TNFRSF1B: variants seen among roughly 807,000 people sequenced by gnomAD.
TNFRSF1B encodes the protein TNF receptor superfamily member 1B, also known as tumor necrosis factor receptor superfamily member 1B.
Under a neutral mutation model 44.6 loss-of-function variants are expected in TNFRSF1B, and 19 were observed. That is an observed-to-expected ratio of 0.43 (90% CI 0.30 to 0.62). The LOEUF (loss-of-function observed/expected upper bound fraction) is 0.62. Ranked by LOEUF, TNFRSF1B falls within the 20% of genes least tolerant of loss-of-function variation. The pLI is 0.16. For missense variants in TNFRSF1B, 541 were observed against 619.9 expected, an observed-to-expected ratio of 0.87 and a Z score of 1.35; for synonymous variants, 252 against 261.1, an observed-to-expected ratio of 0.97 and a Z score of 0.34.
At chr1:12,183,617 T>C (rs79388457) in intron 1 of TNFRSF1B, among the ~76,000 whole-genome samples, 13,656 of 119,558 alleles carry the variant, frequency 0.11, 760 homozygotes, top group African/African-American at 0.14. Flanking sequence ...ATCTATCTGT[T>C]TGTCTGTCTG....
chr1:12,192,404 T>C, intron 4 of TNFRSF1B, 27 bp from the exon 5 acceptor site: 3 of 1,612,254 alleles, frequency 1.9e-6, no homozygotes, highest in Non-Finnish European at 2.5e-6. Context: ...GTCTGAGTGG[T>C]TGACAAGTTC....
At chr1:12,176,695 A>T (rs1638663931) in intron 1 of TNFRSF1B, among the ~76,000 whole-genome samples, 1 of 152,208 alleles carries the variant, frequency 6.6e-6, no homozygotes. Context: ...AGAGAGTGAC[A>T]GGGCAAAGAT....
intron 9 of TNFRSF1B, among the ~76,000 whole-genome samples, chr1:12,204,515 C>T (rs923529475): frequency 3.3e-5 from 5 of 152,178 alleles, no homozygotes; most frequent in African/African-American, 7.2e-5. Flanking sequence ...CAGCAGGCCC[C>T]TGCAGCAACA....
chr1:12,176,151 G>A (rs1484668080), intron 1 of TNFRSF1B, among the ~76,000 whole-genome samples: 2 of 152,146 alleles, frequency 1.3e-5, no homozygotes, highest in African/African-American at 4.8e-5. Context: ...CCCCAGAGGC[G>A]GAGGTTGCCG....
At chr1:12,191,152 C>A in intron 3 of TNFRSF1B, 67 bp downstream of exon 3, 1 of 1,578,172 alleles carries the variant, frequency 6.3e-7, no homozygotes, top group Non-Finnish European at 8.6e-7. Flanking sequence ...GCAACTCCAG[C>A]CTCTTTGGCT....
At position 12,199,945 on chromosome 1, in the gene TNFRSF1B, G is replaced by A. The variant is rs188873041; in HGVS notation, c.901-2022G>A. ...AGAATTCCAAGGCAAGGGTGTGAGC[G>A]CCTGGCCAGCCAGTGGGAACAGACA... is the stretch of plus-strand genomic sequence containing the variant. On this transcript the variant is annotated intron_variant, in intron 8 of 9. Transcript: ENST00000376259. The surrounding 1 kb of genome is among the most constrained non-coding windows in gnomAD (Gnocchi z 4.0). 3.3e-4 allele frequency among the ~76,000 whole-genome samples: 50 copies of A among 152,292 alleles called. No homozygotes were observed. In the East Asian group the frequency reaches 3.9e-3, roughly 12 times the overall value.
rs372028572 is a variant in TNFRSF1B, at chr1:12,183,712, T to G, written c.79-5084T>G. 5.4e-3 allele frequency among the ~76,000 whole-genome samples: 311 copies of G among 57,160 alleles called. 8 individuals carry two copies. The highest frequency in any genetic ancestry group is 0.013 in the African/African-American group (275 of 20,794). 37.5% of individuals were successfully genotyped at this position (57,160 alleles called of 152,430 possible). A position where few individuals can be genotyped will look rare whatever the true frequency, so the allele number is the denominator to read the frequency against. ...TCTATCTATCTATCTATCTATCTAT[T>G]CTATCTACCTATCTATCTATCTATC... On this transcript the variant is annotated intron_variant, in intron 1 of 9. Transcript: ENST00000376259.
At chr1:12,201,413 A>T (rs1639388051) in intron 8 of TNFRSF1B, among the ~76,000 whole-genome samples, 1 of 151,824 alleles carries the variant, frequency 6.6e-6, no homozygotes, top group Non-Finnish European at 1.5e-5. Context: ...ACAAATATTC[A>T]GCCATCTAAT....
chr1:12,204,021 T>C (rs929313818), intron 9 of TNFRSF1B, among the ~76,000 whole-genome samples: 6 of 152,244 alleles, frequency 3.9e-5, no homozygotes, highest in Non-Finnish European at 2.9e-5. Context: ...TGAGCCAACA[T>C]GCGCAGCCCA....
At chr1:12,196,475 A>C (rs565167377) in intron 8 of TNFRSF1B, among the ~76,000 whole-genome samples, 162 of 152,302 alleles carry the variant, frequency 1.1e-3, no homozygotes, top group African/African-American at 3.8e-3. Flanking sequence ...CCTGGAGGGC[A>C]AAATCACCCC....
chr1:12,201,987 G>A lies in TNFRSF1B; in HGVS notation c.921G>A (p.Lys307=), dbSNP rs1639401663. 3 of 1,612,072 alleles carry A rather than the reference G, an allele frequency of 1.9e-6. No individual in the cohort carries two copies. The highest frequency in any genetic ancestry group is 2.5e-6 in the Non-Finnish European group (3 of 1,179,214). ...EAKVPHLPAD[K]ARGTQGPEQQ... ...TCCAGCCTCACTTGCCTGCCGATAAGGCCCGGGGTACACAGGGCCCCGAGC... is the reference window on the plus strand; with the variant it reads ...TCCAGCCTCACTTGCCTGCCGATAAAGCCCGGGGTACACAGGGCCCCGAGC... Residue 307 remains lysine, a synonymous_variant, in exon 9 of 10, where the codon AAG becomes AAA. Coordinates refer to ENST00000376259, the MANE Select transcript of TNFRSF1B (RefSeq NM_001066.3).
chr1:12,200,910 C>G (rs1027450269), intron 8 of TNFRSF1B, among the ~76,000 whole-genome samples: 18 of 152,194 alleles, frequency 1.2e-4, no homozygotes, highest in Admixed American at 9.8e-4. Flanking sequence ...CATGAGCCAC[C>G]AAGCCTGGCC....
chr1:12,201,947 A>ACCCCTGCCCAT lies in TNFRSF1B; in HGVS notation c.901-18_901-17insCCTGCCCATCC, dbSNP rs1553165346. The ACCCCTGCCCAT allele has an allele frequency of 2.5e-6, 4 of 1,584,944 alleles. No homozygotes were observed. The highest frequency in any genetic ancestry group is 3.4e-6 in the Non-Finnish European group (4 of 1,163,730). On this transcript the variant is annotated intron_variant, in intron 8 of 9. Coordinates refer to ENST00000376259, the MANE Select transcript of TNFRSF1B (RefSeq NM_001066.3). The stretch of plus-strand genomic sequence containing the variant: ...GCTGGTGGGCTGACTGCTCTCCCCT[A>ACCCCTGCCCAT]CCACCCCCTGCCCATCCAGCCTCAC...
intron 1 of TNFRSF1B, 137 bp from the exon 2 acceptor site, chr1:12,188,659 G>T: frequency 1.3e-6 from 1 of 768,214 alleles, no homozygotes; most frequent in Non-Finnish European, 2.1e-6. Context: ...GCTCCAGGGG[G>T]AGAAACCTCC....
chr1:12,197,436 G>A (rs1412597380), intron 8 of TNFRSF1B, among the ~76,000 whole-genome samples: 1 of 152,204 alleles, frequency 6.6e-6, no homozygotes, highest in African/African-American at 2.4e-5. Context: ...CCTGAATATG[G>A]AGTTGGGAGG....
chr1:12,197,554 C>T (rs1639292931), intron 8 of TNFRSF1B, among the ~76,000 whole-genome samples: 1 of 145,576 alleles, frequency 6.9e-6, no homozygotes, highest in African/African-American at 2.4e-5. Context: ...GCATCATCAC[C>T]CCCATTTTAC....
chr1:12,184,683 C>T (rs1570144515), intron 1 of TNFRSF1B, among the ~76,000 whole-genome samples: 2 of 152,210 alleles, frequency 1.3e-5, no homozygotes, highest in Admixed American at 6.5e-5. Flanking sequence ...AACTTGGCCA[C>T]GGCAGGGCTC....
chr1:12,183,533 C>G (rs1275445518), intron 1 of TNFRSF1B, among the ~76,000 whole-genome samples: 1 of 151,102 alleles, frequency 6.6e-6, no homozygotes, highest in Non-Finnish European at 1.5e-5. Context: ...TATCTTGTAT[C>G]TACTTTCTAT....
intron 3 of TNFRSF1B, among the ~76,000 whole-genome samples, chr1:12,191,422 G>A (rs1352635136): frequency 6.6e-6 from 1 of 152,018 alleles, no homozygotes; most frequent in African/African-American, 2.4e-5. Flanking sequence ...GGGAAGAGCG[G>A]GACTTCGGGG....
Sources: gnomAD v4.1 joint callset for allele counts (sites outside exome capture counted in the v4.1 genomes callset) on GRCh38, gnomAD v4.1.1 for gene constraint, Gnocchi (gnomAD v3.1) non-coding constraint, MANE v1.5 for transcripts, NCBI Gene and HGNC (gene_info 2026-07-23, HGNC 2026-07-21) for gene names.